Variants in EYS observed in about 807,000 individuals in gnomAD.
EYS encodes the protein protein eyes shut homolog.
A neutral mutation model predicts 282.1 loss-of-function variants in EYS; 250 were observed. That is an observed-to-expected ratio of 0.89 (90% confidence interval 0.80 to 0.98). The LOEUF (loss-of-function observed/expected upper bound fraction) is 0.98, where lower values mean the gene tolerates loss of function less well. EYS is among the 50% of genes least tolerant of loss of function. The pLI, the probability that EYS is intolerant of heterozygous loss-of-function variation, is 0.00. For synonymous variants in EYS, 1,355 were observed against 1,282.9 expected (o/e 1.06, Z -1.20); for missense variants, 4,016 against 3,709.0 (o/e 1.08, Z -2.15).
At chr6:65,124,682 T>G (rs954072599) in intron 12 of EYS, among the ~76,000 whole-genome samples, 1 of 152,176 alleles carries the variant, frequency 6.6e-6, no homozygotes, top group African/African-American at 2.4e-5. Context: ...GGAACATGCT[T>G]GTTAATCAGA....
chr6:65,092,860 A>C (rs956249838), intron 12 of EYS, among the ~76,000 whole-genome samples: 2 of 152,160 alleles, frequency 1.3e-5, no homozygotes, highest in East Asian at 3.8e-4. Flanking sequence ...CAATATACAC[A>C]TTGTGGGAGT....
At chr6:64,220,958 A>G (rs979665925) in intron 31 of EYS, among the ~76,000 whole-genome samples, 1 of 152,134 alleles carries the variant, frequency 6.6e-6, no homozygotes, top group African/African-American at 2.4e-5. Flanking sequence ...ACACTATCAC[A>G]CTGATTCATG....
intron 28 of EYS, among the ~76,000 whole-genome samples, chr6:64,404,334 T>G (rs1183278604): frequency 6.6e-6 from 1 of 152,088 alleles, no homozygotes; most frequent in Non-Finnish European, 1.5e-5. Context: ...ACACAAATTA[T>G]TTTTGTTCCC....
chr6:63,767,399 C>A (rs939338638), intron 40 of EYS, among the ~76,000 whole-genome samples: 2 of 152,044 alleles, frequency 1.3e-5, no homozygotes, highest in African/African-American at 4.8e-5. Context: ...AATATAAAAT[C>A]GCTGTACAAA....
chr6:65,109,552 G>C (rs1336298435), intron 12 of EYS, among the ~76,000 whole-genome samples: 1 of 151,158 alleles, frequency 6.6e-6, no homozygotes, highest in Non-Finnish European at 1.5e-5. Flanking sequence ...CATGTGAGAA[G>C]GTAAAGTTTT....
chr6:64,893,938 T>C (rs920510451), intron 18 of EYS, among the ~76,000 whole-genome samples: 1 of 152,002 alleles, frequency 6.6e-6, no homozygotes, highest in Non-Finnish European at 1.5e-5. Context: ...TATGCATGCA[T>C]TCAATTAATT....
chr6:65,685,751 A>G (rs1229012731), intron 1 of EYS, among the ~76,000 whole-genome samples: 1 of 152,032 alleles, frequency 6.6e-6, no homozygotes, highest in African/African-American at 2.4e-5. Context: ...TCCAAATTTC[A>G]TATTTTCCTT....
At chr6:65,335,226 G>T in intron 10 of EYS, 80 bp from the exon 11 acceptor site, 1 of 910,238 alleles carries the variant, frequency 1.1e-6, no homozygotes, top group South Asian at 1.3e-5. Context: ...GAGAGATCAT[G>T]ATAGATGCCT....
At chr6:64,788,131 G>A (rs1401286164) in intron 22 of EYS, among the ~76,000 whole-genome samples, 1 of 152,064 alleles carries the variant, frequency 6.6e-6, no homozygotes, top group African/African-American at 2.4e-5. Context: ...CTATCTGTCT[G>A]CTCATACTTA....
rs769240399 is a variant in EYS at position 64,864,385 on chromosome 6, C to CTTTTTTTTTTT, written c.2992+22301_2992+22311dup. Among the ~76,000 whole-genome samples the CTTTTTTTTTTT allele has an allele frequency of 2.0e-3, 112 of 57,172 alleles. 13 individuals are homozygous for CTTTTTTTTTTT. The highest frequency in any genetic ancestry group is 4.8e-3 in the South Asian group (7 of 1,446). The allele number at this position is 57,172 out of a possible 152,430, so 37.5% of individuals were successfully genotyped here. A position where few individuals can be genotyped will look rare whatever the true frequency, so the allele number is the denominator to read the frequency against. ...GAGAAATACAGAGGTGCTATACCTT[C>CTTTTTTTTTTT]TTTTTTTTTTTTTTTTTTTTTGACA... On this transcript the variant is annotated intron_variant, in intron 19 of 42. Coordinates refer to ENST00000503581, the MANE Select transcript of EYS (RefSeq NM_001142800.2).
chr6:64,567,709 T>C (rs1765605550), intron 26 of EYS, among the ~76,000 whole-genome samples: 1 of 152,142 alleles, frequency 6.6e-6, no homozygotes, highest in Non-Finnish European at 1.5e-5. Context: ...TTAAGAATTA[T>C]AAAGAAAATT....
chr6:63,890,386 A>G (rs1773376738), intron 35 of EYS, among the ~76,000 whole-genome samples: 4 of 152,236 alleles, frequency 2.6e-5, no homozygotes, highest in Admixed American at 6.5e-5. Context: ...AATGGAAATA[A>G]TAACAAACAG....
intron 29 of EYS, among the ~76,000 whole-genome samples, chr6:64,309,933 C>G (rs1769611432): frequency 6.7e-6 from 1 of 149,398 alleles, no homozygotes; most frequent in Admixed American, 6.7e-5. Flanking sequence ...CCACTGCCCT[C>G]CAGCCTGGTG....
intron 15 of EYS, among the ~76,000 whole-genome samples, chr6:64,916,114 A>C (rs2150078731): frequency 6.6e-6 from 1 of 152,292 alleles, no homozygotes; most frequent in South Asian, 2.1e-4. Context: ...CAATTTTAAG[A>C]GGAGAAAAGC....
At chr6:65,630,721 T>A (rs1766882101) in intron 2 of EYS, among the ~76,000 whole-genome samples, 1 of 152,216 alleles carries the variant, frequency 6.6e-6, no homozygotes, top group South Asian at 2.1e-4. Context: ...CTCTGTGACT[T>A]TGTACTTGTG....
chr6:64,249,161 A>G lies in EYS; in HGVS notation c.6192-18337T>C, dbSNP rs533705565. On this transcript the variant is annotated intron_variant, in intron 30 of 42. Transcript: ENST00000503581. ...ATAGAATCAACATAAAGGTCCATTA[A>G]TAGATTATTGGACAAAGAAAATACA... 2.6e-5 allele frequency among the ~76,000 whole-genome samples: 4 copies of G among 152,200 alleles called. No homozygotes were observed. The South Asian group carries it at 6.2e-4, about 24-fold the overall frequency.
intron 12 of EYS, among the ~76,000 whole-genome samples, chr6:65,081,540 G>C (rs371909233): frequency 2.6e-5 from 4 of 151,938 alleles, no homozygotes; most frequent in African/African-American, 4.8e-5. Context: ...TCAACAAACA[G>C]ATTTTATTTT....
intron 36 of EYS, among the ~76,000 whole-genome samples, chr6:63,855,488 T>A (rs1350886841): frequency 2.0e-5 from 3 of 152,236 alleles, no homozygotes; most frequent in African/African-American, 7.2e-5. Flanking sequence ...CTTATGATTA[T>A]CTCCTAAGTA....
At chr6:65,363,795 A>G (rs964972338) in intron 8 of EYS, among the ~76,000 whole-genome samples, 5 of 151,938 alleles carry the variant, frequency 3.3e-5, no homozygotes, top group African/African-American at 1.2e-4. Flanking sequence ...TTCCAATTGT[A>G]GAAGTGTATG....
Sources: allele counts gnomAD v4.1 joint callset (sites outside exome capture counted in the v4.1 genomes callset), GRCh38; gene constraint gnomAD v4.1.1; transcripts MANE v1.5; gene names NCBI Gene and HGNC (gene_info 2026-07-23, HGNC 2026-07-21).